The following RBFOX1 variants were observed in gnomAD, a reference collection of about 807,000 sequenced individuals.
RBFOX1 encodes the protein RNA binding fox-1 homolog 1.
Under a neutral mutation model 57.7 loss-of-function variants are expected in RBFOX1, and 8 were observed. The observed-to-expected ratio is 0.14, with a 90% CI of 0.08 to 0.25. The LOEUF is 0.25. Ranked by LOEUF, RBFOX1 falls within the 10% of genes least tolerant of loss-of-function variation. RBFOX1 has a pLI of 1.00. For missense variants in RBFOX1, 611 were observed against 548.5 expected, an observed-to-expected ratio of 1.11 and a Z score of -1.14; for synonymous variants, 326 against 222.4, an observed-to-expected ratio of 1.47 and a Z score of -4.15.
intron 3 of RBFOX1, among the ~76,000 whole-genome samples, chr16:6,740,988 A>G (rs2071898784): frequency 6.6e-6 from 1 of 152,198 alleles, no homozygotes; most frequent in African/African-American, 2.4e-5. Context: ...AACTCCAGTC[A>G]TCATCGCTAT....
At chr16:5,642,074 G>C (rs1164378082) in intron 3 of RBFOX1, among the ~76,000 whole-genome samples, 1 of 152,128 alleles carries the variant, frequency 6.6e-6, no homozygotes, top group Non-Finnish European at 1.5e-5. Flanking sequence ...CCATGGTCTG[G>C]ACTTAGGGAA....
intron 1 of RBFOX1, among the ~76,000 whole-genome samples, chr16:6,071,398 G>T (rs574712061): frequency 6.6e-5 from 10 of 152,240 alleles, no homozygotes; most frequent in East Asian, 5.8e-4. Context: ...TTTTACAAAA[G>T]ATATTTTATT....
At chr16:7,415,194 C>T (rs553717608) in intron 4 of RBFOX1, among the ~76,000 whole-genome samples, 7 of 152,174 alleles carry the variant, frequency 4.6e-5, no homozygotes, top group Non-Finnish European at 8.8e-5. Context: ...CCTGGCTGTG[C>T]CTTCAAATGT....
chr16:7,219,244 G>T (rs1436570714), intron 4 of RBFOX1, among the ~76,000 whole-genome samples: 1 of 152,140 alleles, frequency 6.6e-6, no homozygotes, highest in South Asian at 2.1e-4. Flanking sequence ...ACACCACAGG[G>T]AAAAGTAAAA....
chr16:6,002,918 G>C (rs541618295), intron 4 of RBFOX1, among the ~76,000 whole-genome samples: 4 of 152,220 alleles, frequency 2.6e-5, no homozygotes, highest in Admixed American at 2.6e-4. Context: ...CCTGTTCTCT[G>C]CCCTTCATCA....
At chr16:7,254,514 A>G (rs2094602669) in intron 4 of RBFOX1, among the ~76,000 whole-genome samples, 1 of 151,272 alleles carries the variant, frequency 6.6e-6, no homozygotes, top group Non-Finnish European at 1.5e-5. Flanking sequence ...TTTTATCAAT[A>G]TATGCCCATT....
chr16:6,675,024 G>C (rs1368011803), intron 3 of RBFOX1, among the ~76,000 whole-genome samples: 1 of 152,070 alleles, frequency 6.6e-6, no homozygotes, highest in Non-Finnish European at 1.5e-5. Flanking sequence ...TCGTGCCTCA[G>C]CCTCCTCATT....
At position 7,390,190 on chromosome 16, in the gene RBFOX1, A is replaced by C. The variant is rs935975016; in HGVS notation, c.28-127957A>C. ...AACAGCAAGGGGGATGTTTGCTCCC[A>C]TTATTCTGTCATCTCGCACCAGACC... On this transcript the variant is annotated intron_variant, in intron 4 of 15. Coordinates refer to ENST00000550418, the MANE Select transcript of RBFOX1 (RefSeq NM_018723.4). Among the ~76,000 whole-genome samples, 9 of 152,250 alleles carry C rather than the reference A, an allele frequency of 5.9e-5. No homozygotes were observed. In the South Asian group the frequency reaches 1.9e-3, roughly 32 times the overall value.
chr16:5,471,328 C>G (rs1239158340), intron 2 of RBFOX1, among the ~76,000 whole-genome samples: 4 of 152,184 alleles, frequency 2.6e-5, no homozygotes, highest in Non-Finnish European at 4.4e-5. Flanking sequence ...GATCTAGTCT[C>G]TACAGTTGAG....
intron 3 of RBFOX1, among the ~76,000 whole-genome samples, chr16:6,934,051 C>G (rs113854843): frequency 2.6e-5 from 4 of 152,112 alleles, no homozygotes; most frequent in African/African-American, 7.2e-5. Context: ...AGCTGCTGTC[C>G]GAGAGGCCTT....
intron 3 of RBFOX1, among the ~76,000 whole-genome samples, chr16:5,619,466 C>T (rs565332370): frequency 6.6e-6 from 1 of 152,270 alleles, no homozygotes; most frequent in Admixed American, 6.5e-5. Context: ...CTCGCCCCAA[C>T]CCCGAGACTT....
chr16:5,766,591 C>G (rs778429119), intron 3 of RBFOX1, among the ~76,000 whole-genome samples: 1 of 152,012 alleles, frequency 6.6e-6, no homozygotes, highest in African/African-American at 2.4e-5. Flanking sequence ...TCTCAAGAAA[C>G]AAACAAACAA....
intron 3 of RBFOX1, among the ~76,000 whole-genome samples, chr16:5,745,492 G>C (rs1343195119): frequency 6.6e-6 from 1 of 152,174 alleles, no homozygotes; most frequent in East Asian, 1.9e-4. Flanking sequence ...GATATTTCTA[G>C]TTCTAGATCC....
intron 1 of RBFOX1, among the ~76,000 whole-genome samples, chr16:6,134,789 C>G (rs1393753301): frequency 6.6e-6 from 1 of 151,836 alleles, no homozygotes; most frequent in Admixed American, 6.6e-5. Flanking sequence ...GCCATAAACT[C>G]AGAGTATTTC....
chr16:7,048,137 C>T (rs1281051310), intron 3 of RBFOX1, among the ~76,000 whole-genome samples: 1 of 152,068 alleles, frequency 6.6e-6, no homozygotes, highest in Non-Finnish European at 1.5e-5. Flanking sequence ...GCTTGGCTTC[C>T]CAAAATTCTG....
chr16:6,795,253 G>T (rs764665680), intron 3 of RBFOX1, among the ~76,000 whole-genome samples: 5 of 151,944 alleles, frequency 3.3e-5, no homozygotes, highest in Non-Finnish European at 7.4e-5. Flanking sequence ...TTTTTTAATT[G>T]TACACAGTCA....
intron 3 of RBFOX1, among the ~76,000 whole-genome samples, chr16:5,695,199 C>A (rs536724363): frequency 1.3e-5 from 2 of 152,140 alleles, no homozygotes; most frequent in African/African-American, 4.8e-5. Flanking sequence ...TTTTATTTCA[C>A]TTTGTTTTTA....
chr16:6,171,257 A>G (rs768044600), intron 1 of RBFOX1, among the ~76,000 whole-genome samples: 41 of 152,200 alleles, frequency 2.7e-4, no homozygotes, highest in Non-Finnish European at 5.0e-4. Flanking sequence ...AATATTTTCC[A>G]TGTCAACATA....
intron 1 of RBFOX1, among the ~76,000 whole-genome samples, chr16:5,356,790 G>C (rs1409057615): frequency 6.6e-6 from 1 of 152,264 alleles, no homozygotes; most frequent in Non-Finnish European, 1.5e-5. Flanking sequence ...TTATTTGACT[G>C]CTTTGATGTC....
Sources: gnomAD v4.1 joint callset for allele counts (sites outside exome capture counted in the v4.1 genomes callset) on GRCh38, gnomAD v4.1.1 for gene constraint, MANE v1.5 for transcripts, NCBI Gene and HGNC (gene_info 2026-07-23, HGNC 2026-07-21) for gene names.